Variants in GTPBP6 observed in about 807,000 individuals in gnomAD.
The protein encoded by GTPBP6 is GTP binding protein 6.
In GTPBP6, 33 loss-of-function variants were observed where a neutral mutation model predicts 28.9. The observed-to-expected ratio is 1.14, with a 90% CI of 0.87 to 1.53. The LOEUF (loss-of-function observed/expected upper bound fraction) is 1.53. Ranked by LOEUF, GTPBP6 falls within the 40% of genes most tolerant of loss-of-function variation. GTPBP6 has a pLI of 0.00. For synonymous variants in GTPBP6, 231 were observed against 192.7 expected, an observed-to-expected ratio of 1.20 and a Z score of -1.65; for missense variants, 507 against 408.3, an observed-to-expected ratio of 1.24 and a Z score of -2.08.
exon 8 of GTPBP6, chrX:307,734 G>A (rs755952415): frequency 2.8e-5 from 42 of 1,477,810 alleles, no homozygotes; most frequent in South Asian, 2.1e-4. Flanking sequence ...GGACTCACCC[G>A]GGCACGAGGT....
chrX:311,327 A>T, intron 7 of GTPBP6, 92 bp downstream of exon 7: 4 of 775,858 alleles, frequency 5.2e-6, no homozygotes, highest in Non-Finnish European at 7.9e-6. Flanking sequence ...TGGGTGTCCG[A>T]GGGCCCGACC....
chrX:316,254 GAC>G lies in GTPBP6; in HGVS notation c.487+658_487+659del, dbSNP rs1311907691. On this transcript the variant is annotated intron_variant, in intron 2 of 9. Coordinates refer to ENST00000326153, the Ensembl canonical transcript of GTPBP6. The stretch of plus-strand genomic sequence containing the variant: ...AGGGACACAAACACATACACACGCA[GAC>G]ACACACACAGACACACACACAGTAA... Among the ~76,000 whole-genome samples the G allele has an allele frequency of 8.7e-4, 13 of 14,982 alleles. 5 individuals carry two copies. Among genetic ancestry groups the G allele is most frequent in the Non-Finnish European group, 2.2e-3 (13 of 5,942 alleles). The allele number at this position is 14,982 out of a possible 152,430, so 9.8% of individuals were successfully genotyped here. A position where few individuals can be genotyped will look rare whatever the true frequency, so the allele number is the denominator to read the frequency against.
At chrX:314,178 T>A (rs745584086) in exon 5 of GTPBP6, 1 of 1,613,318 alleles carries the variant, frequency 6.2e-7, no homozygotes, top group South Asian at 1.1e-5. Context: ...GCGAGCCGAC[T>A]CCTCGGTACA....
chrX:309,072 C>T (rs1317848565), intron 7 of GTPBP6, among the ~76,000 whole-genome samples: 5 of 152,090 alleles, frequency 3.3e-5, no homozygotes, highest in African/African-American at 9.7e-5. Context: ...AGGCTCCGGG[C>T]GGGGTTCAGT....
chrX:312,425 C>T (rs778162953), intron 6 of GTPBP6: 1 of 537,932 alleles, frequency 1.9e-6, no homozygotes. Context: ...ATAGATAGGG[C>T]AGTGGGGATG....
chrX:318,688 G>T (rs1431675803), exon 1 of GTPBP6: 2 of 388,788 alleles, frequency 5.1e-6, no homozygotes, highest in East Asian at 7.3e-5. Flanking sequence ...GCTAGCGCGC[G>T]CGCGGGGCAG....
exon 8 of GTPBP6, chrX:307,841 C>A: frequency 6.5e-7 from 1 of 1,544,900 alleles, no homozygotes; most frequent in South Asian, 1.2e-5. Context: ...TGGAGCTCCG[C>A]CTCGGGGTGG....
chrX:310,667 G>A (rs1280000726), intron 7 of GTPBP6, among the ~76,000 whole-genome samples: 6 of 151,642 alleles, frequency 4.0e-5, no homozygotes, highest in African/African-American at 1.2e-4. Context: ...GGCAGAGACT[G>A]GAGTGATGCG....
chrX:311,730 G>T, intron 6 of GTPBP6, 103 bp from the exon 7 acceptor site: 1 of 948,944 alleles, frequency 1.1e-6, no homozygotes, highest in African/African-American at 1.6e-5. Context: ...CCTCTGGGGG[G>T]CCGCACCCCG....
chrX:307,843 T>A, exon 8 of GTPBP6: 2 of 1,543,424 alleles, frequency 1.3e-6, no homozygotes, highest in Non-Finnish European at 1.7e-6. Context: ...GAGCTCCGCC[T>A]CGGGGTGGCT....
intron 7 of GTPBP6, among the ~76,000 whole-genome samples, chrX:310,289 C>G (rs1241922193): frequency 6.9e-6 from 1 of 144,208 alleles, no homozygotes. Flanking sequence ...AGAGGAGACA[C>G]AGACACAGAG....
At chrX:305,635 T>TTTA (rs962141349) in intron 9 of GTPBP6, among the ~76,000 whole-genome samples, 1 of 148,512 alleles carries the variant, frequency 6.7e-6, no homozygotes, top group African/African-American at 2.6e-5. Context: ...ATTTTTTATT[T>TTTA]TTTTTTTTGA....
chrX:309,627 CGTGG>C (rs1380830224), intron 7 of GTPBP6, among the ~76,000 whole-genome samples: 3 of 152,020 alleles, frequency 2.0e-5, no homozygotes, highest in East Asian at 3.9e-4. Context: ...GAGAAGGCCA[CGTGG>C]AGATGGAGGC....
intron 7 of GTPBP6, among the ~76,000 whole-genome samples, chrX:311,117 G>A (rs192837760): frequency 0.019 from 2,850 of 151,324 alleles, 102 homozygotes; most frequent in African/African-American, 0.067. Context: ...CCTCTCGCCC[G>A]GGGACGTGGG....
intron 2 of GTPBP6, among the ~76,000 whole-genome samples, chrX:315,707 G>C (rs1393805111): frequency 0.016 from 74 of 4,498 alleles, 23 homozygotes; most frequent in Admixed American, 0.036. Context: ...CACACACACA[G>C]TAAATACATC....
At chrX:304,930 C>T (rs1294212088) in exon 10 of GTPBP6, 1 of 1,463,770 alleles carries the variant, frequency 6.8e-7, no homozygotes, top group African/African-American at 1.4e-5. Context: ...GTCATCCCAG[C>T]AAATGGCTGG....
In GTPBP6 at chrX:311,664, C is replaced by T. The variant is rs777396096; in HGVS notation, c.917-37G>A. 7.9e-6 allele frequency: 12 copies of T among 1,515,556 alleles called. 1 individual carries two copies. The African/African-American group carries it at 1.4e-4, about 17-fold the overall frequency. 93.9% of individuals were successfully genotyped at this position (1,515,556 alleles called of 1,614,324 possible). A position where few individuals can be genotyped will look rare whatever the true frequency, so the allele number is the denominator to read the frequency against. Reference sequence around the variant, plus strand: ...TGGAGGTCAGGGCGCTGCAGAGATCCCTGCGTCCCAACTCCTAGCGCCGCA... The same window carrying T: ...TGGAGGTCAGGGCGCTGCAGAGATCTCTGCGTCCCAACTCCTAGCGCCGCA... On this transcript the variant is annotated intron_variant, in intron 6 of 9. Coordinates refer to ENST00000326153, the Ensembl canonical transcript of GTPBP6.
intron 8 of GTPBP6, 57 bp from the exon 9 acceptor site, chrX:307,569 C>A (rs1303155403): frequency 1.4e-5 from 22 of 1,569,774 alleles, no homozygotes; most frequent in Non-Finnish European, 1.7e-5. Context: ...CGGACGAAAT[C>A]AGGGTCCCCA....
At chrX:305,015 A>T in exon 10 of GTPBP6, 3 of 1,595,656 alleles carry the variant, frequency 1.9e-6, no homozygotes, top group Non-Finnish European at 1.7e-6. Context: ...ACACAGCGGT[A>T]ACGCCTCAGC....
Sources: allele counts gnomAD v4.1 joint callset (sites outside exome capture counted in the v4.1 genomes callset), GRCh38; gene constraint gnomAD v4.1.1; transcripts MANE v1.5; gene names NCBI Gene and HGNC (gene_info 2026-07-23, HGNC 2026-07-21).